Variants in FILIP1L observed in about 807,000 individuals in gnomAD.
FILIP1L encodes filamin A-interacting protein 1-like.
In FILIP1L, 55 loss-of-function variants were observed where a neutral mutation model predicts 96.6. The observed-to-expected ratio is 0.57, with a 90% CI of 0.46 to 0.71. FILIP1L has a LOEUF of 0.71. Ranked by LOEUF, FILIP1L falls within the 30% of genes least tolerant of loss-of-function variation. The pLI is 0.00. For missense variants in FILIP1L, 1,304 were observed against 1,321.2 expected (o/e 0.99, Z 0.20); for synonymous variants, 467 against 473.9 (o/e 0.99, Z 0.19).
At chr3:100,038,965 A>G (rs1393051369) in intron 1 of FILIP1L, among the ~76,000 whole-genome samples, 3 of 152,220 alleles carry the variant, frequency 2.0e-5, no homozygotes, top group Non-Finnish European at 4.4e-5. Flanking sequence ...ACGTCTTTGA[A>G]AAATGCACAC....
At chr3:99,950,059 G>A (rs1326411902) in intron 1 of FILIP1L, among the ~76,000 whole-genome samples, 1 of 152,178 alleles carries the variant, frequency 6.6e-6, no homozygotes, top group Non-Finnish European at 1.5e-5. Flanking sequence ...GAGGATTGGG[G>A]ACAAGGTCAT....
At chr3:100,062,365 C>A (rs1031243275) in intron 1 of FILIP1L, among the ~76,000 whole-genome samples, 8 of 152,042 alleles carry the variant, frequency 5.3e-5, no homozygotes, top group African/African-American at 1.9e-4. Flanking sequence ...CCCGTCTCGG[C>A]CTCTCAAAGT....
At chr3:100,009,798 G>T (rs960393247) in intron 1 of FILIP1L, among the ~76,000 whole-genome samples, 4 of 152,242 alleles carry the variant, frequency 2.6e-5, no homozygotes, top group Non-Finnish European at 5.9e-5. Context: ...TTGAGAAAGA[G>T]AGTGCAATGT....
intron 1 of FILIP1L, among the ~76,000 whole-genome samples, chr3:100,063,378 A>G (rs1263806424): frequency 6.6e-6 from 1 of 152,198 alleles, no homozygotes; most frequent in East Asian, 1.9e-4. Flanking sequence ...TTATTACTAT[A>G]TATCTGAATT....
At position 99,924,476 on chromosome 3, in the gene FILIP1L, A is replaced by C. The variant is rs1226878532; in HGVS notation, c.427-68T>G. 2.1e-6 allele frequency: 3 copies of C among 1,445,228 alleles called. No homozygotes were observed. In the East Asian group the frequency reaches 6.8e-5, roughly 33 times the overall value. The allele number at this position is 1,445,228 out of a possible 1,614,324, so 89.5% of individuals were successfully genotyped here. A position where few individuals can be genotyped will look rare whatever the true frequency, so the allele number is the denominator to read the frequency against. On this transcript the variant is annotated intron_variant, in intron 3 of 5. Transcript: ENST00000477258. ...ATACTGTTGTCTTTCACTCTTTTAG[A>C]AATGTCCCTGTTTTGATTAATTCGG...
chr3:99,956,349 T>A (rs1708318944), intron 1 of FILIP1L, among the ~76,000 whole-genome samples: 1 of 152,124 alleles, frequency 6.6e-6, no homozygotes, highest in Admixed American at 6.5e-5. Context: ...GTCCCCTCCA[T>A]CTAAGCTTTG....
chr3:99,860,543 G>A (rs528502846), intron 4 of FILIP1L, among the ~76,000 whole-genome samples: 1 of 152,280 alleles, frequency 6.6e-6, no homozygotes, highest in South Asian at 2.1e-4. Flanking sequence ...ACAAGTAAAA[G>A]GCCAGTCTGA....
intron 1 of FILIP1L, among the ~76,000 whole-genome samples, chr3:99,973,131 A>G (rs1346070551): frequency 4.6e-5 from 7 of 152,222 alleles, no homozygotes; most frequent in African/African-American, 1.4e-4. Context: ...CCTGAATAAT[A>G]AAAGCCAAGG....
At position 99,920,496 on chromosome 3, in the gene FILIP1L, G is replaced by T. The variant is rs1707091206; in HGVS notation, c.605+3734C>A. On this transcript the variant is annotated intron_variant, in intron 4 of 5. Transcript: ENST00000477258. The stretch of plus-strand genomic sequence containing the variant: ...GTAATTCAGCCAAGTACATAATTCA[G>T]GTCATTGGTGACACACGTATCCACA... Among the ~76,000 whole-genome samples the T allele has an allele frequency of 5.3e-5, 8 of 152,300 alleles. No homozygotes were observed. The South Asian group carries it at 1.7e-3, about 32-fold the overall frequency.
chr3:100,070,946 G>A (rs1192065514), intron 1 of FILIP1L, among the ~76,000 whole-genome samples: 4 of 151,970 alleles, frequency 2.6e-5, no homozygotes, highest in African/African-American at 9.7e-5. Flanking sequence ...TTTTCTTTGT[G>A]TATGATTTTC....
intron 1 of FILIP1L, among the ~76,000 whole-genome samples, chr3:100,078,615 A>G (rs1350984476): frequency 1.3e-5 from 2 of 152,156 alleles, no homozygotes; most frequent in African/African-American, 4.8e-5. Context: ...TTGGCCTGGC[A>G]TGGTGGCTCG....
At chr3:99,909,952 T>C (rs1706741779) in intron 4 of FILIP1L, among the ~76,000 whole-genome samples, 1 of 83,460 alleles carries the variant, frequency 1.2e-5, no homozygotes, top group African/African-American at 3.1e-5. Context: ...CTGACCAAAA[T>C]GAGTGAGAAA....
chr3:99,917,510 T>C (rs540509031), intron 4 of FILIP1L, among the ~76,000 whole-genome samples: 2 of 152,326 alleles, frequency 1.3e-5, no homozygotes, highest in Admixed American at 6.5e-5. Flanking sequence ...GGTGACTTTT[T>C]TTTATCTTGG....
chr3:100,040,660 GTGT>G (rs780191395), intron 1 of FILIP1L: 4 of 152,210 alleles, frequency 2.6e-5, no homozygotes, highest in Non-Finnish European at 5.9e-5. Context: ...ACATAAGCCA[GTGT>G]TGTTATCATG....
At chr3:100,050,581 G>C (rs981736727) in intron 1 of FILIP1L, among the ~76,000 whole-genome samples, 3 of 152,060 alleles carry the variant, frequency 2.0e-5, no homozygotes, top group Non-Finnish European at 4.4e-5. Flanking sequence ...GCCCAGGCTG[G>C]AGTGCAGTGG....
chr3:99,946,299 T>C (rs1576592345), intron 1 of FILIP1L, among the ~76,000 whole-genome samples: 1 of 152,258 alleles, frequency 6.6e-6, no homozygotes, highest in Non-Finnish European at 1.5e-5. Context: ...TATAACTATG[T>C]CTTCACTCAG....
At chr3:99,843,468 T>A (rs574849596) in intron 5 of FILIP1L, among the ~76,000 whole-genome samples, 170 of 152,332 alleles carry the variant, frequency 1.1e-3, no homozygotes, top group Middle Eastern at 3.4e-3. Context: ...CTACTACAGA[T>A]GTAATTTAAA....
intron 1 of FILIP1L, among the ~76,000 whole-genome samples, chr3:100,027,387 G>A (rs970994937): frequency 1.3e-5 from 2 of 151,992 alleles, no homozygotes; most frequent in Admixed American, 1.3e-4. Flanking sequence ...TTTTAACTTT[G>A]GGCCAAATAA....
chr3:99,979,915 G>C (rs1209693232), intron 1 of FILIP1L, among the ~76,000 whole-genome samples: 1 of 152,250 alleles, frequency 6.6e-6, no homozygotes, highest in Middle Eastern at 3.4e-3. Context: ...TGCTGTGAAG[G>C]GTGAGGTAGG....
Sources: allele counts gnomAD v4.1 joint callset (sites outside exome capture counted in the v4.1 genomes callset), GRCh38; gene constraint gnomAD v4.1.1; transcripts MANE v1.5; gene names NCBI Gene and HGNC (gene_info 2026-07-23, HGNC 2026-07-21).